KIF16B: variants seen among roughly 807,000 people sequenced by gnomAD.
The protein encoded by KIF16B is kinesin family member 16B.
Under a neutral mutation model 156.3 loss-of-function variants are expected in KIF16B, and 98 were observed. The ratio of observed to expected loss-of-function variants is 0.63; its 90% CI spans 0.53 to 0.74. KIF16B has a LOEUF of 0.74. KIF16B is among the 30% of genes least tolerant of loss of function. KIF16B has a pLI of 0.00. For synonymous variants in KIF16B, 564 were observed against 583.7 expected (o/e 0.97, Z 0.49); for missense variants, 1,421 against 1,606.5 (o/e 0.88, Z 1.97).
intron 15 of KIF16B, among the ~76,000 whole-genome samples, chr20:16,409,431 A>C (rs375974795): frequency 2.0e-4 from 30 of 152,056 alleles, no homozygotes; most frequent in African/African-American, 7.0e-4. Flanking sequence ...CTTGTGTTTT[A>C]TCTAGTTGTA....
At chr20:16,294,286 G>A (rs1337157722) in intron 25 of KIF16B, among the ~76,000 whole-genome samples, 1 of 152,186 alleles carries the variant, frequency 6.6e-6, no homozygotes, top group Non-Finnish European at 1.5e-5. Context: ...CATGAGAGCA[G>A]TTACCTCCTA....
At chr20:16,467,321 C>T (rs2067520105) in intron 12 of KIF16B, among the ~76,000 whole-genome samples, 1 of 152,178 alleles carries the variant, frequency 6.6e-6, no homozygotes. Flanking sequence ...ACCACCACCT[C>T]ACTAAAGGCC....
At chr20:16,420,355 C>T (rs1370999135) in intron 15 of KIF16B, among the ~76,000 whole-genome samples, 2 of 151,982 alleles carry the variant, frequency 1.3e-5, no homozygotes, top group Non-Finnish European at 2.9e-5. Context: ...GATAAATCTC[C>T]GATTAGTTGG....
chr20:16,293,979 A>T (rs533107829), intron 25 of KIF16B, among the ~76,000 whole-genome samples: 2 of 152,024 alleles, frequency 1.3e-5, no homozygotes. Context: ...AGCACCTAAA[A>T]TTTTTTAAAA....
chr20:16,291,169 G>C (rs918503971), intron 25 of KIF16B, among the ~76,000 whole-genome samples: 3 of 152,168 alleles, frequency 2.0e-5, no homozygotes, highest in African/African-American at 7.2e-5. Context: ...CTTTCCCTAG[G>C]ACCTTAATTC....
chr20:16,306,733 C>T (rs906141125), intron 25 of KIF16B, among the ~76,000 whole-genome samples: 2 of 152,170 alleles, frequency 1.3e-5, no homozygotes, highest in Non-Finnish European at 1.5e-5. Context: ...AAGGCTCCAT[C>T]ATTTTCCTTG....
intron 22 of KIF16B, chr20:16,369,199 C>G (rs1029470569): frequency 1.0e-6 from 1 of 985,680 alleles, no homozygotes; most frequent in Admixed American, 6.1e-5. Context: ...TTTAATGAGG[C>G]TGGAAGTGTC....
intron 12 of KIF16B, among the ~76,000 whole-genome samples, chr20:16,438,283 C>T (rs1286866053): frequency 1.3e-5 from 2 of 152,086 alleles, no homozygotes; most frequent in Non-Finnish European, 2.9e-5. Context: ...TTTGCTTTCC[C>T]CGGTTTCAGT....
chr20:16,366,223 C>T (rs541735503), intron 22 of KIF16B, among the ~76,000 whole-genome samples: 15 of 152,090 alleles, frequency 9.9e-5, no homozygotes, highest in Middle Eastern at 3.4e-3. Context: ...GCAGGGAACT[C>T]GCCTGAGAAG....
intron 1 of KIF16B, among the ~76,000 whole-genome samples, chr20:16,536,936 C>A (rs1568658769): frequency 6.6e-6 from 1 of 151,940 alleles, no homozygotes. Context: ...ACAACCTTAC[C>A]CCCAACCCCC....
chr20:16,291,070 C>T (rs1601504215), intron 25 of KIF16B, among the ~76,000 whole-genome samples: 1 of 152,184 alleles, frequency 6.6e-6, no homozygotes, highest in East Asian at 1.9e-4. Flanking sequence ...CAGTACTTTG[C>T]TTGTAAAATA....
At chr20:16,481,340 C>T (rs1490940917) in intron 12 of KIF16B, among the ~76,000 whole-genome samples, 2 of 152,114 alleles carry the variant, frequency 1.3e-5, no homozygotes, top group Admixed American at 6.6e-5. Flanking sequence ...GGACTACAGG[C>T]GTATGCCACC....
chr20:16,432,647 G>C (rs1269077034), intron 12 of KIF16B, among the ~76,000 whole-genome samples: 1 of 152,092 alleles, frequency 6.6e-6, no homozygotes, highest in Non-Finnish European at 1.5e-5. Context: ...GGTGGAGAGA[G>C]AGAAGTCCCT....
chr20:16,338,824 A>G (rs1192875666), intron 23 of KIF16B, among the ~76,000 whole-genome samples: 1 of 151,968 alleles, frequency 6.6e-6, no homozygotes, highest in African/African-American at 2.4e-5. Flanking sequence ...AATTCTGTGC[A>G]CTCTTCCATT....
chr20:16,385,735 C>A (rs1417868122), intron 17 of KIF16B, among the ~76,000 whole-genome samples: 2 of 152,086 alleles, frequency 1.3e-5, no homozygotes, highest in Non-Finnish European at 2.9e-5. Context: ...AGTGCTGGTG[C>A]TCAAGGTGGG....
chr20:16,457,539 G>T (rs2067242152), intron 12 of KIF16B, among the ~76,000 whole-genome samples: 1 of 152,190 alleles, frequency 6.6e-6, no homozygotes, highest in African/African-American at 2.4e-5. Flanking sequence ...AATACATCCA[G>T]CTGTTTCAGG....
intron 12 of KIF16B, among the ~76,000 whole-genome samples, chr20:16,482,404 A>AC (rs1174162537): frequency 3.3e-5 from 5 of 152,106 alleles, no homozygotes; most frequent in African/African-American, 1.2e-4. Context: ...GCTCCTAGTA[A>AC]CTGTTGCTAG....
intron 19 of KIF16B, among the ~76,000 whole-genome samples, chr20:16,374,638 T>A (rs566440616): frequency 6.6e-6 from 1 of 152,050 alleles, no homozygotes; most frequent in East Asian, 1.9e-4. Flanking sequence ...GAAGGTAGAG[T>A]AATTTTGACT....
intron 7 of KIF16B, among the ~76,000 whole-genome samples, chr20:16,506,405 A>G (rs1434343274): frequency 6.6e-6 from 1 of 152,216 alleles, no homozygotes; most frequent in Non-Finnish European, 1.5e-5. Flanking sequence ...TAAACTTTCT[A>G]AAGAAGCATT....
Sources: gnomAD v4.1 joint callset for allele counts (sites outside exome capture counted in the v4.1 genomes callset) on GRCh38, gnomAD v4.1.1 for gene constraint, MANE v1.5 for transcripts, NCBI Gene and HGNC (gene_info 2026-07-23, HGNC 2026-07-21) for gene names.